Variants in FILIP1L observed in about 807,000 individuals in gnomAD.
FILIP1L encodes the protein filamin A interacting protein 1 like.
Under a neutral mutation model 96.6 loss-of-function variants are expected in FILIP1L, and 55 were observed. That is an observed-to-expected ratio of 0.57 (90% CI 0.46 to 0.71). The LOEUF (loss-of-function observed/expected upper bound fraction) is 0.71. FILIP1L is among the 30% of genes least tolerant of loss of function. FILIP1L has a pLI of 0.00. For missense variants in FILIP1L, 1,304 were observed against 1,321.2 expected (o/e 0.99, Z 0.20); for synonymous variants, 467 against 473.9 (o/e 0.99, Z 0.19).
chr3:100,025,198 A>G lies in FILIP1L; in HGVS notation c.-11+88855T>C, dbSNP rs1449570993. On this transcript the variant is annotated intron_variant, in intron 1 of 5. Transcript: ENST00000477258. Reference sequence around the variant, plus strand: ...TGAGTGGAAGAATTTTCCTATGCCTATAGTAGGGCTCGTCCTTCTTGCCAC... The same window carrying G: ...TGAGTGGAAGAATTTTCCTATGCCTGTAGTAGGGCTCGTCCTTCTTGCCAC... 3.3e-5 allele frequency among the ~76,000 whole-genome samples: 5 copies of G among 152,286 alleles called. No individual in the cohort carries two copies. In the East Asian group the frequency reaches 7.7e-4, roughly 24 times the overall value.
At chr3:99,851,217 A>G in intron 4 of FILIP1L, 147 bp from the exon 5 acceptor site, 2 of 600,618 alleles carry the variant, frequency 3.3e-6, no homozygotes, top group Non-Finnish European at 5.3e-6. Context: ...CCTGAATTTG[A>G]TGACAGAGGA....
intron 1 of FILIP1L, among the ~76,000 whole-genome samples, chr3:100,036,365 C>T (rs2065108202): frequency 6.6e-6 from 1 of 152,048 alleles, no homozygotes; most frequent in African/African-American, 2.4e-5. Flanking sequence ...TAGGAAGTCT[C>T]AAAAAATGAT....
chr3:99,856,098 GCTGCTCTGCTCTGCT>G (rs71130096), intron 4 of FILIP1L, among the ~76,000 whole-genome samples: 121,322 of 151,274 alleles, frequency 0.8, 48,859 homozygotes, highest in African/African-American at 0.88. Flanking sequence ...TGCTGCTCTT[GCTGCTCTGCTCTGCT>G]CTGCTCTGCT....
At chr3:99,964,779 A>G (rs1311319132) in intron 1 of FILIP1L, among the ~76,000 whole-genome samples, 1 of 152,062 alleles carries the variant, frequency 6.6e-6, no homozygotes, top group Non-Finnish European at 1.5e-5. Context: ...AATGCCCAGA[A>G]ACCTCCAGGC....
At chr3:99,927,730 T>A (rs1211465796) in intron 3 of FILIP1L, among the ~76,000 whole-genome samples, 4 of 152,146 alleles carry the variant, frequency 2.6e-5, no homozygotes, top group African/African-American at 7.2e-5. Flanking sequence ...TAATTTTTTT[T>A]TAAAATTAAG....
rs906777606 is a variant in FILIP1L at position 99,848,842 on chromosome 3, C to T, written c.2834G>A (p.Arg945Lys). The change falls in exon 5 of 6, where the codon AGG becomes AAG. Residue 945 changes from arginine (R) to lysine (K), a missense_variant. By Grantham distance (26) the Arg-to-Lys change is conservative. Transcript: ENST00000477258. Reference protein sequence around the residue: ...VIPNCGTPKQRITILQNASIT... With the variant: ...VIPNCGTPKQKITILQNASIT... The stretch of plus-strand genomic sequence containing the variant: ...GGAGGCGTTTTGGAGGATGGTTATC[C>T]TTTGCTTTGGCGTGCCACAGTTCGG... 13 of 1,613,858 alleles carry T rather than the reference C, an allele frequency of 8.1e-6. No homozygotes were observed. The highest frequency in any genetic ancestry group is 3.3e-4 in the Middle Eastern group (2 of 6,080).
At chr3:99,862,693 C>G (rs1944322121) in intron 4 of FILIP1L, among the ~76,000 whole-genome samples, 1 of 152,148 alleles carries the variant, frequency 6.6e-6, no homozygotes, top group South Asian at 2.1e-4. Context: ...GTTGAGAAGT[C>G]ACTGTTTTAG....
In FILIP1L at chr3:99,829,803, C is replaced by T. The variant is rs1942614911; in HGVS notation, c.*611G>A. 6.6e-6 allele frequency among the ~76,000 whole-genome samples: 1 copy of T among 152,192 alleles called. No homozygotes were observed. The highest frequency in any genetic ancestry group is 2.4e-5 in the African/African-American group (1 of 41,454). On this transcript the variant is annotated 3_prime_UTR_variant, in exon 6 of 6. Transcript: ENST00000477258. ...AAGTGCCAGTGGTCAGGTATGCTTA[C>T]TACACCAGTGATTGTCAGGTATTCT...
At chr3:100,093,976 C>T (rs937153153) in intron 1 of FILIP1L, among the ~76,000 whole-genome samples, 1 of 152,110 alleles carries the variant, frequency 6.6e-6, no homozygotes, top group African/African-American at 2.4e-5. Flanking sequence ...GGGATGAATG[C>T]CCAGGAGTGC....
intron 1 of FILIP1L, among the ~76,000 whole-genome samples, chr3:99,983,462 G>A (rs9879663): frequency 0.067 from 779 of 11,666 alleles, 44 homozygotes; most frequent in African/African-American, 0.15. Context: ...ATATATATGT[G>A]TGTATATATA....
intron 4 of FILIP1L, among the ~76,000 whole-genome samples, chr3:99,870,926 CT>C (rs1161532010): frequency 6.6e-6 from 1 of 152,190 alleles, no homozygotes; most frequent in Non-Finnish European, 1.5e-5. Context: ...TCATTAACCA[CT>C]GCACTGTGTT....
At chr3:99,836,621 G>C (rs1322779332) in intron 5 of FILIP1L, among the ~76,000 whole-genome samples, 5 of 152,124 alleles carry the variant, frequency 3.3e-5, no homozygotes, top group Non-Finnish European at 7.3e-5. Flanking sequence ...GATGAATTTT[G>C]TGGGACCCTA....
intron 1 of FILIP1L, among the ~76,000 whole-genome samples, chr3:100,012,975 A>G (rs1419336553): frequency 6.6e-6 from 1 of 151,642 alleles, no homozygotes; most frequent in Non-Finnish European, 1.5e-5. Flanking sequence ...TTATTTATTT[A>G]TTTGGAGAGA....
intron 1 of FILIP1L, among the ~76,000 whole-genome samples, chr3:100,052,625 G>T (rs2065393347): frequency 6.6e-6 from 1 of 152,186 alleles, no homozygotes; most frequent in South Asian, 2.1e-4. Flanking sequence ...GATAGCTCAG[G>T]AGCAAGTATT....
intron 1 of FILIP1L, among the ~76,000 whole-genome samples, chr3:100,082,826 A>G (rs982005998): frequency 2.6e-5 from 4 of 152,190 alleles, no homozygotes; most frequent in Non-Finnish European, 4.4e-5. Flanking sequence ...ACCTTCGTTG[A>G]CTTAAGACAC....
intron 1 of FILIP1L, among the ~76,000 whole-genome samples, chr3:99,932,678 T>G (rs564113999): frequency 9.2e-5 from 14 of 152,132 alleles, no homozygotes; most frequent in Admixed American, 8.5e-4. Flanking sequence ...TTACCCGAGG[T>G]CAGGAGTTCA....
rs191703159 is a variant in FILIP1L, at chr3:100,103,119, A to T, written c.-11+10934T>A. ...GTGAAATACCTTCCCTGACTTTTGT[A>T]TATTCCTGTTCACCCTGTGATTGTA... On this transcript the variant is annotated intron_variant, in intron 1 of 5. Coordinates refer to ENST00000477258, the MANE Select transcript of FILIP1L (RefSeq NM_001387850.1). Among the ~76,000 whole-genome samples, 13 of 152,332 alleles carry T rather than the reference A, an allele frequency of 8.5e-5. 1 individual carries two copies. In the South Asian group the frequency reaches 2.1e-3, roughly 24 times the overall value.
At chr3:99,983,494 A>C (rs866193902) in intron 1 of FILIP1L, among the ~76,000 whole-genome samples, 1 of 119,014 alleles carries the variant, frequency 8.4e-6, no homozygotes, top group African/African-American at 3.3e-5. Flanking sequence ...ATATATATAT[A>C]TATATATATA....
chr3:99,876,400 G>GGTGGGCCA, intron 4 of FILIP1L, among the ~76,000 whole-genome samples: 1 of 152,262 alleles, frequency 6.6e-6, no homozygotes, highest in South Asian at 2.1e-4. Context: ...CCGGTGGGCC[G>GGTGGGCCA]GGGCGCCGGC....
Sources: gnomAD v4.1 joint callset for allele counts (sites outside exome capture counted in the v4.1 genomes callset) on GRCh38, gnomAD v4.1.1 for gene constraint, MANE v1.5 for transcripts, NCBI Gene and HGNC (gene_info 2026-07-23, HGNC 2026-07-21) for gene names.